PUDP: variants seen among roughly 807,000 people sequenced by gnomAD.
PUDP encodes the protein pseudouridine 5'-phosphatase, also known as pseudouridine-5'-phosphatase.
PUDP carries 8 observed loss-of-function variants against 9.4 expected under a neutral mutation model. The ratio of observed to expected loss-of-function variants is 0.85; its 90% CI spans 0.50 to 1.53. The LOEUF is 1.53. Ranked by LOEUF, PUDP falls within the 40% of genes most tolerant of loss-of-function variation. The probability of loss-of-function intolerance (pLI) is 0.00; values close to 1 mark genes in which losing one functional copy is unlikely to be tolerated. For missense variants in PUDP, 188 were observed against 189.7 expected (o/e 0.99, Z 0.05); for synonymous variants, 99 against 80.7 (o/e 1.23, Z -1.22).
chrX:6,960,639 G>A (rs1928693384), intron 3 of PUDP, among the ~76,000 whole-genome samples: 1 of 112,108 alleles, frequency 8.9e-6, no homozygotes, highest in Non-Finnish European at 1.9e-5. Flanking sequence ...GGTCCAACCA[G>A]AAAACCAGGA....
At chrX:6,846,326 C>T (rs185605556) in intron 3 of PUDP, among the ~76,000 whole-genome samples, 3 of 106,041 alleles carry the variant, frequency 2.8e-5, no homozygotes, top group East Asian at 3.0e-4. Context: ...AATGGCGCGG[C>T]GTGAACCCGA....
At chrX:6,706,512 T>C (rs746243574) in intron 1 of PUDP, 4 of 112,076 alleles carry the variant, frequency 3.6e-5, no homozygotes, top group South Asian at 7.6e-4. Flanking sequence ...TTTTATGTTA[T>C]GTATATTTTA....
intron 3 of PUDP, among the ~76,000 whole-genome samples, chrX:6,859,951 C>T (rs746549847): frequency 1.8e-5 from 2 of 112,332 alleles, no homozygotes; most frequent in African/African-American, 6.5e-5. Context: ...ACTGCAATGC[C>T]GTATCTCAGT....
intron 3 of PUDP, among the ~76,000 whole-genome samples, chrX:6,784,692 CG>C (rs1419302833): frequency 8.9e-6 from 1 of 112,084 alleles, no homozygotes; most frequent in Non-Finnish European, 1.9e-5. Context: ...TGCTTCCTGA[CG>C]GGTTGTCAAA....
intron 3 of PUDP, among the ~76,000 whole-genome samples, chrX:7,056,346 G>T (rs1287361835): frequency 8.9e-6 from 1 of 111,896 alleles, no homozygotes; most frequent in African/African-American, 3.3e-5. Context: ...GAGAACTGGG[G>T]TTTGGTCCAG....
chrX:7,003,449 T>C (rs761140480), intron 1 of PUDP, among the ~76,000 whole-genome samples: 1 of 111,417 alleles, frequency 9.0e-6, no homozygotes, highest in Non-Finnish European at 1.9e-5. Flanking sequence ...TTTTTGCAAG[T>C]ATTCAATAGT....
At chrX:6,885,972 T>C (rs1413251861) in intron 3 of PUDP, among the ~76,000 whole-genome samples, 1 of 111,787 alleles carries the variant, frequency 8.9e-6, no homozygotes, top group Non-Finnish European at 1.9e-5. Flanking sequence ...AAAATTCCAA[T>C]TGTTTTTCTG....
At chrX:6,930,165 G>T (rs754853036) in intron 3 of PUDP, among the ~76,000 whole-genome samples, 54 of 110,740 alleles carry the variant, frequency 4.9e-4, no homozygotes, top group Non-Finnish European at 9.3e-4. Flanking sequence ...CTTTGTCAGT[G>T]GTGTTTGAAC....
intron 3 of PUDP, among the ~76,000 whole-genome samples, chrX:7,075,968 G>A (rs1164904369): frequency 9.0e-6 from 1 of 110,818 alleles, no homozygotes; most frequent in Non-Finnish European, 1.9e-5. Context: ...TGTGGGACTG[G>A]GGCCTTAACC....
chrX:6,966,498 A>G (rs761080413), intron 3 of PUDP, among the ~76,000 whole-genome samples: 357 of 110,279 alleles, frequency 3.2e-3, no homozygotes, highest in Non-Finnish European at 5.2e-3. Context: ...ATAAAATTCC[A>G]AATATTGAAA....
At chrX:7,024,609 CAG>C (rs1929681052) in intron 1 of PUDP, among the ~76,000 whole-genome samples, 2 of 101,884 alleles carry the variant, frequency 2.0e-5, no homozygotes, top group Non-Finnish European at 3.9e-5. Flanking sequence ...TTTTTTGAGA[CAG>C]AGTCTTGCTC....
chrX:6,963,891 T>TA (rs1456460170), intron 3 of PUDP, among the ~76,000 whole-genome samples: 1 of 112,389 alleles, frequency 8.9e-6, no homozygotes, highest in Non-Finnish European at 1.9e-5. Context: ...GCCAGCACTA[T>TA]AAAAAACTGA....
At chrX:7,056,075 A>G (rs745574806) in intron 3 of PUDP, among the ~76,000 whole-genome samples, 1 of 112,042 alleles carries the variant, frequency 8.9e-6, no homozygotes, top group African/African-American at 3.2e-5. Flanking sequence ...CTGACCAATT[A>G]CACTTGACCT....
intron 3 of PUDP, among the ~76,000 whole-genome samples, chrX:7,069,821 C>T (rs1930674532): frequency 9.0e-6 from 1 of 111,359 alleles, no homozygotes; most frequent in Admixed American, 9.5e-5. Flanking sequence ...GATGAGAAAT[C>T]GCCCCAAAAG....
intron 1 of PUDP, among the ~76,000 whole-genome samples, chrX:6,715,688 C>G (rs888708930): frequency 2.7e-5 from 3 of 112,088 alleles, no homozygotes; most frequent in African/African-American, 9.7e-5. Context: ...ACAGAGGACT[C>G]AGGACGAAGT....
chrX:7,105,834 A>G lies in PUDP; in HGVS notation c.66T>C (p.Thr22=). Residue 22 remains threonine, a synonymous_variant, in exon 2 of 4, where the codon ACT becomes ACC. Coordinates refer to ENST00000381077, the MANE Select transcript of PUDP (RefSeq NM_012080.5). ...IFDMDGLLLD[T]ERLYSVVFQE... ...GAAACACCACTGAATACAGCCGTTC[A>G]GTATCTGCAGGAAAAAAAAAAGAGA... is the stretch of plus-strand genomic sequence containing the variant. The G allele has an allele frequency of 8.5e-7, 1 of 1,172,994 alleles. No individual in the cohort carries two copies. The highest frequency in any genetic ancestry group is 1.9e-5 in the South Asian group (1 of 53,227).
At chrX:7,019,980 GA>G (rs770262355) in intron 1 of PUDP, among the ~76,000 whole-genome samples, 7 of 108,768 alleles carry the variant, frequency 6.4e-5, no homozygotes, top group African/African-American at 2.3e-4. Flanking sequence ...TATCTTAGGG[GA>G]AAAAAAAGGA....
chrX:6,905,457 G>T (rs774640839), intron 3 of PUDP, among the ~76,000 whole-genome samples: 1 of 112,103 alleles, frequency 8.9e-6, no homozygotes, highest in East Asian at 2.8e-4. Flanking sequence ...CAATCATGGC[G>T]CAAGGCAAAG....
chrX:6,783,569 C>T (rs1156357529), intron 3 of PUDP, among the ~76,000 whole-genome samples: 1 of 111,570 alleles, frequency 9.0e-6, no homozygotes, highest in Non-Finnish European at 1.9e-5. Context: ...CACTAATCAC[C>T]AGTCAATAAT....
Sources: gnomAD v4.1 joint callset for allele counts (sites outside exome capture counted in the v4.1 genomes callset) on GRCh38, gnomAD v4.1.1 for gene constraint, MANE v1.5 for transcripts, NCBI Gene and HGNC (gene_info 2026-07-23, HGNC 2026-07-21) for gene names.